ANO1: variants seen among roughly 807,000 people sequenced by gnomAD.
The protein encoded by ANO1 is anoctamin 1.
A neutral mutation model predicts 124.0 loss-of-function variants in ANO1; 59 were observed. The ratio of observed to expected loss-of-function variants is 0.48; its 90% CI spans 0.39 to 0.59. ANO1 has a LOEUF of 0.59. Ranked by LOEUF, ANO1 falls within the 20% of genes least tolerant of loss-of-function variation. The pLI is 0.00. For missense variants in ANO1, 1,059 were observed against 1,328.0 expected (o/e 0.80, Z 3.15); for synonymous variants, 529 against 532.0 (o/e 0.99, Z 0.08).
chr11:70,064,202 G>A (rs1181733298), intron 1 of ANO1: 4 of 152,246 alleles, frequency 2.6e-5, no homozygotes, highest in Admixed American at 2.6e-4. Context: ...ACATCTGGAA[G>A]CCAGTGGCCT....
upstream of ANO1, among the ~76,000 whole-genome samples, chr11:70,076,951 A>AGAGGCTCTGAGACCCAG (rs1565175454): frequency 6.6e-6 from 1 of 150,722 alleles, no homozygotes; most frequent in African/African-American, 2.4e-5. Flanking sequence ...ATGAGAAGGC[A>AGAGGCTCTGAGACCCAG]GAGGCTCTGA....
At chr11:70,131,390 T>C (rs2046752927) in intron 10 of ANO1, among the ~76,000 whole-genome samples, 1 of 152,098 alleles carries the variant, frequency 6.6e-6, no homozygotes, top group African/African-American at 2.4e-5. Flanking sequence ...TGCAGTGACG[T>C]GATCTGGGCT....
At chr11:69,988,484 G>A (rs937037881) in intron 1 of ANO1, among the ~76,000 whole-genome samples, 2 of 152,196 alleles carry the variant, frequency 1.3e-5, no homozygotes, top group Non-Finnish European at 2.9e-5. Flanking sequence ...GTGCATGAGT[G>A]AGGATTATCA....
upstream of ANO1, among the ~76,000 whole-genome samples, chr11:69,981,474 A>C (rs1855958871): frequency 6.6e-6 from 1 of 152,260 alleles, no homozygotes. Flanking sequence ...GACTTGCCTA[A>C]GGAGAAGCCC....
chr11:70,152,334 C>CAAAAAA (rs56895585), intron 12 of ANO1, 116 bp from the exon 13 acceptor site: 12 of 439,332 alleles, frequency 2.7e-5, no homozygotes, highest in Admixed American at 4.3e-5. Flanking sequence ...GACTCCATCT[C>CAAAAAA]AAAAAAAAAA....
At chr11:70,028,386 G>C (rs946336498) in intron 1 of ANO1, among the ~76,000 whole-genome samples, 1 of 152,162 alleles carries the variant, frequency 6.6e-6, no homozygotes, top group South Asian at 2.1e-4. Context: ...CAATTCTGAA[G>C]TCCACACTCT....
intron 5 of ANO1, among the ~76,000 whole-genome samples, chr11:70,107,490 C>CGGG (rs1432604573): frequency 4.6e-5 from 3 of 64,548 alleles, no homozygotes; most frequent in East Asian, 5.0e-4. Flanking sequence ...CCAGTGGAGG[C>CGGG]GGCGGGGCGG....
chr11:70,167,603 C>A (rs1242402617), intron 21 of ANO1, among the ~76,000 whole-genome samples: 3 of 152,102 alleles, frequency 2.0e-5, no homozygotes, highest in Non-Finnish European at 4.4e-5. Context: ...TGGATGGAGT[C>A]CTGTGTTCCA....
At chr11:70,130,843 C>T (rs2046727000) in intron 10 of ANO1, among the ~76,000 whole-genome samples, 1 of 152,206 alleles carries the variant, frequency 6.6e-6, no homozygotes, top group Admixed American at 6.5e-5. Context: ...CCTATTCCTT[C>T]CGGCCCAGCC....
chr11:70,011,298 C>T (rs1465348333), intron 1 of ANO1, among the ~76,000 whole-genome samples: 1 of 152,082 alleles, frequency 6.6e-6, no homozygotes, highest in Admixed American at 6.6e-5. Context: ...AAGTGTCCTT[C>T]AGCAGTTAAG....
At chr11:70,013,724 C>T (rs1856643264) in intron 1 of ANO1, among the ~76,000 whole-genome samples, 2 of 151,004 alleles carry the variant, frequency 1.3e-5, no homozygotes, top group Admixed American at 6.7e-5. Flanking sequence ...ATCGTCCAAA[C>T]TCGGGAAGCG....
chr11:69,998,164 GT>G (rs1162346390), intron 1 of ANO1, among the ~76,000 whole-genome samples: 8 of 152,146 alleles, frequency 5.3e-5, no homozygotes, highest in Non-Finnish European at 1.0e-4. Context: ...TTGTAACTAG[GT>G]GTTTTAGACT....
chr11:70,058,450 T>C lies in ANO1; in HGVS notation c.59-20092T>C, dbSNP rs188399021. The stretch of plus-strand genomic sequence containing the variant: ...GACAACCGCAGCTAAAGAGTCAACC[T>C]GGGCCTGAAGGATTAATAAAGTTTG... On this transcript the variant is annotated intron_variant, in intron 1 of 27. Coordinates refer to the ANO1 transcript ENST00000531349. Among the ~76,000 whole-genome samples the C allele has an allele frequency of 7.2e-3, 1,102 of 152,364 alleles. 16 individuals carry two copies. The highest frequency in any genetic ancestry group is 0.025 in the African/African-American group (1,048 of 41,590).
intron 11 of ANO1, among the ~76,000 whole-genome samples, chr11:70,148,767 A>C (rs2047475571): frequency 1.3e-5 from 2 of 152,198 alleles, no homozygotes; most frequent in African/African-American, 4.8e-5. Flanking sequence ...TGTCTGTCCC[A>C]GGCACCTCTG....
Position 70,134,958 on chromosome 11 carries a change from G to A in ANO1, c.1258+2879G>A, listed in dbSNP as rs149064691. 1.2e-3 allele frequency among the ~76,000 whole-genome samples: 176 copies of A among 152,292 alleles called. 2 individuals are homozygous for A. The highest frequency in any genetic ancestry group is 4.1e-3 in the African/African-American group (171 of 41,574). On this transcript the variant is annotated intron_variant, in intron 11 of 25. Coordinates refer to ENST00000355303, the MANE Select transcript of ANO1 (RefSeq NM_018043.7). ...ACGCTGAGAAGAACTTAGTGTGCTG[G>A]CTCAGAGGAATCAGAACCCAGTGCC...
At chr11:70,135,367 G>A (rs766365269) in intron 11 of ANO1, among the ~76,000 whole-genome samples, 144 of 152,318 alleles carry the variant, frequency 9.5e-4, no homozygotes, top group Middle Eastern at 3.4e-3. Flanking sequence ...AGACGCTGGC[G>A]GGCTTGGCCG....
At chr11:69,985,909 G>C (rs958276783) in exon 1 of ANO1, 8 of 152,198 alleles carry the variant, frequency 5.3e-5, no homozygotes, top group African/African-American at 1.9e-4. Flanking sequence ...GCGCGGCCGT[G>C]AGCGAGGGCA....
chr11:70,066,881 T>A (rs1335851611), intron 1 of ANO1, among the ~76,000 whole-genome samples: 2 of 152,162 alleles, frequency 1.3e-5, no homozygotes, highest in African/African-American at 2.4e-5. Flanking sequence ...CCATGGATGC[T>A]GCTAGTCCAG....
intron 1 of ANO1, among the ~76,000 whole-genome samples, chr11:70,011,751 C>A (rs1856601377): frequency 6.6e-6 from 1 of 151,084 alleles, no homozygotes; most frequent in Admixed American, 6.6e-5. Context: ...TGAAAATCTG[C>A]AGAGTGCTGA....
Sources: allele counts gnomAD v4.1 joint callset (sites outside exome capture counted in the v4.1 genomes callset), GRCh38; gene constraint gnomAD v4.1.1; transcripts MANE v1.5; gene names NCBI Gene and HGNC (gene_info 2026-07-23, HGNC 2026-07-21).